The following ADAMTS20 variants were observed in gnomAD, a reference collection of about 807,000 sequenced individuals.
The protein encoded by ADAMTS20 is A disintegrin and metalloproteinase with thrombospondin motifs 20.
A neutral mutation model predicts 260.1 loss-of-function variants in ADAMTS20; 225 were observed. The ratio of observed to expected loss-of-function variants is 0.87; its 90% confidence interval spans 0.78 to 0.97. ADAMTS20 has a LOEUF of 0.97. Among genes scored for constraint, ADAMTS20 ranks in the 50% least tolerant of loss-of-function variants. The pLI is 0.00. For synonymous variants in ADAMTS20, 802 were observed against 769.5 expected, an observed-to-expected ratio of 1.04 and a Z score of -0.70; for missense variants, 2,400 against 2,337.7, an observed-to-expected ratio of 1.03 and a Z score of -0.55.
At chr12:43,414,894 G>T (rs1241176910) in intron 28 of ADAMTS20, among the ~76,000 whole-genome samples, 1 of 152,044 alleles carries the variant, frequency 6.6e-6, no homozygotes, top group African/African-American at 2.4e-5. Context: ...TCACAGCATT[G>T]TTTGTAGGTC....
At chr12:43,474,121 A>T (rs1942310922) in intron 7 of ADAMTS20, among the ~76,000 whole-genome samples, 1 of 151,712 alleles carries the variant, frequency 6.6e-6, no homozygotes, top group African/African-American at 2.4e-5. Flanking sequence ...AAGAGAGCAG[A>T]ATCAAATAGA....
intron 2 of ADAMTS20, among the ~76,000 whole-genome samples, chr12:43,538,132 C>A (rs1943322823): frequency 6.6e-6 from 1 of 152,206 alleles, no homozygotes. Context: ...TACATTCCCA[C>A]CACAATGTAC....
At position 43,532,150 on chromosome 12, in the gene ADAMTS20, T is replaced by A. The variant is rs776318061; in HGVS notation, c.499A>T (p.Ile167Leu). 6 of 1,612,070 alleles carry A rather than the reference T, an allele frequency of 3.7e-6. No homozygotes were observed. The South Asian group carries it at 6.6e-5, about 18-fold the overall frequency. ...TATTCATTCCCATCTGCCTTCATTA[T>A]AGGTTCTAAGAAATATTCACCGTTC... Reference protein sequence around the residue: ...GQNGEYFLEPIMKADGNEYED... With the variant: ...GQNGEYFLEPLMKADGNEYED... Residue 167 changes from isoleucine to leucine, a missense_variant, in exon 3 of 39, where the codon ATA becomes TTA. Transcript: ENST00000389420.
chr12:43,534,857 T>C (rs1943272632), intron 2 of ADAMTS20, among the ~76,000 whole-genome samples: 1 of 152,180 alleles, frequency 6.6e-6, no homozygotes, highest in Non-Finnish European at 1.5e-5. Flanking sequence ...CCGATAGAAG[T>C]GGGTGAAACT....
intron 7 of ADAMTS20, among the ~76,000 whole-genome samples, chr12:43,477,913 TA>T (rs906663787): frequency 5.3e-5 from 8 of 152,056 alleles, no homozygotes; most frequent in African/African-American, 1.9e-4. Context: ...CAACAAGAAA[TA>T]AAAATCTCTA....
At chr12:43,447,514 T>C (rs1444480421) in intron 14 of ADAMTS20, among the ~76,000 whole-genome samples, 1 of 152,102 alleles carries the variant, frequency 6.6e-6, no homozygotes, top group African/African-American at 2.4e-5. Flanking sequence ...GAGCGATCTA[T>C]GACAAACCCA....
intron 2 of ADAMTS20, among the ~76,000 whole-genome samples, chr12:43,537,107 T>C (rs7312618): frequency 6.6e-6 from 1 of 152,202 alleles, no homozygotes; most frequent in Non-Finnish European, 1.5e-5. Context: ...TTATTTATTG[T>C]TACCAAGGCC....
In ADAMTS20 at chr12:43,500,034, C is replaced by CT. The variant is rs10706892; in HGVS notation, c.867+2117dup. ...CCCACCCAACTTTCTTTCCTTATTG[C>CT]TTTTTTTTTTTTGAGAGAGAGTCTC... On this transcript the variant is annotated intron_variant, in intron 4 of 38. Transcript: ENST00000389420. Among the ~76,000 whole-genome samples the CT allele has an allele frequency of 5.9e-3, 866 of 147,698 alleles. 13 individuals carry two copies. Among genetic ancestry groups the CT allele is most frequent in the African/African-American group, 0.02 (798 of 40,042 alleles).
chr12:43,522,207 G>A (rs1305688457), intron 3 of ADAMTS20, among the ~76,000 whole-genome samples: 21 of 128,880 alleles, frequency 1.6e-4, no homozygotes, highest in African/African-American at 4.0e-4. Context: ...ATCACAAGGC[G>A]GCAGGAAGGA....
chr12:43,551,341 C>T lies in ADAMTS20; in HGVS notation c.92-71G>A, dbSNP rs1191553150. On this transcript the variant is annotated intron_variant, in intron 1 of 38. Coordinates refer to ENST00000389420, the MANE Select transcript of ADAMTS20 (RefSeq NM_025003.5). The surrounding 1 kb of genome is among the most constrained non-coding windows in gnomAD (Gnocchi z 4.6). Reference sequence around the variant, plus strand: ...TTGTCCAACTCTAAACTTCTTCCACCAAACGTCCCCGCTAAAGGTCCCAGG... The same window carrying T: ...TTGTCCAACTCTAAACTTCTTCCACTAAACGTCCCCGCTAAAGGTCCCAGG... 12 of 1,536,304 alleles carry T rather than the reference C, an allele frequency of 7.8e-6. No individual in the cohort carries two copies. The Admixed American group carries it at 1.2e-4, about 15-fold the overall frequency.
intron 31 of ADAMTS20, 72 bp from the exon 32 acceptor site, chr12:43,377,634 T>C: frequency 1.7e-6 from 2 of 1,202,546 alleles, no homozygotes; most frequent in Admixed American, 4.5e-5. Context: ...GTCAGATGCT[T>C]AATATATATT....
chr12:43,539,655 T>C (rs1943348657), intron 2 of ADAMTS20, among the ~76,000 whole-genome samples: 1 of 152,134 alleles, frequency 6.6e-6, no homozygotes, highest in Admixed American at 6.5e-5. Context: ...CCCATACTTA[T>C]AAGAAGTAAA....
At chr12:43,474,159 C>A (rs1408163566) in intron 7 of ADAMTS20, among the ~76,000 whole-genome samples, 1 of 148,234 alleles carries the variant, frequency 6.7e-6, no homozygotes, top group Non-Finnish European at 1.5e-5. Flanking sequence ...AAGGGGATAT[C>A]ACCACTGATC....
intron 11 of ADAMTS20, among the ~76,000 whole-genome samples, chr12:43,455,287 T>C (rs1037595124): frequency 1.3e-5 from 2 of 152,232 alleles, no homozygotes; most frequent in Non-Finnish European, 2.9e-5. Context: ...TATATAAGAA[T>C]ACCCAAGATT....
intron 16 of ADAMTS20, among the ~76,000 whole-genome samples, chr12:43,442,582 G>C (rs1485065151): frequency 6.6e-6 from 1 of 152,010 alleles, no homozygotes; most frequent in African/African-American, 2.4e-5. Flanking sequence ...TTAAAGTTGA[G>C]AATAACCTGT....
chr12:43,532,323 A>G, intron 2 of ADAMTS20, 128 bp from the exon 3 acceptor site: 1 of 786,642 alleles, frequency 1.3e-6, no homozygotes, highest in South Asian at 2.0e-5. Context: ...AGAGCCATCA[A>G]CTGAGCATAA....
At chr12:43,530,252 A>C (rs1404223586) in intron 3 of ADAMTS20, among the ~76,000 whole-genome samples, 1 of 152,136 alleles carries the variant, frequency 6.6e-6, no homozygotes, top group Non-Finnish European at 1.5e-5. Context: ...TGAAACATTT[A>C]TGTATTCAGA....
intron 2 of ADAMTS20, among the ~76,000 whole-genome samples, chr12:43,549,648 TAGA>T (rs907948359): frequency 2.3e-4 from 35 of 152,256 alleles, no homozygotes; most frequent in Admixed American, 2.2e-3. Context: ...AGAAAGGTTT[TAGA>T]AGGAGAATTT....
intron 7 of ADAMTS20, among the ~76,000 whole-genome samples, chr12:43,477,712 C>T (rs957992330): frequency 6.6e-6 from 1 of 152,072 alleles, no homozygotes; most frequent in Non-Finnish European, 1.5e-5. Context: ...CATATACACA[C>T]ATTCATACTT....
Sources: gnomAD v4.1 joint callset for allele counts (sites outside exome capture counted in the v4.1 genomes callset) on GRCh38, gnomAD v4.1.1 for gene constraint, Gnocchi (gnomAD v3.1) non-coding constraint, MANE v1.5 for transcripts, NCBI Gene and HGNC (gene_info 2026-07-23, HGNC 2026-07-21) for gene names.